CPEB1: variants seen among roughly 807,000 people sequenced by gnomAD.
CPEB1 encodes cytoplasmic polyadenylation element binding protein 1.
A neutral mutation model predicts 65.8 loss-of-function variants in CPEB1; 7 were observed. The observed-to-expected ratio is 0.11, with a 90% CI of 0.06 to 0.20. The LOEUF (loss-of-function observed/expected upper bound fraction) is 0.20. Among genes scored for constraint, CPEB1 ranks in the 10% least tolerant of loss-of-function variants. The pLI, the probability that CPEB1 is intolerant of heterozygous loss-of-function variation, is 1.00. For missense variants in CPEB1, 551 were observed against 712.2 expected (o/e 0.77, Z 2.58); for synonymous variants, 262 against 260.0 (o/e 1.01, Z -0.08).
At chr15:82,622,910 C>T (rs898803358) in intron 3 of CPEB1, among the ~76,000 whole-genome samples, 8 of 152,204 alleles carry the variant, frequency 5.3e-5, no homozygotes, top group African/African-American at 1.9e-4. Flanking sequence ...TGCTACCCCC[C>T]TCCTTATGTG....
At chr15:82,585,022 G>A (rs955742292) in intron 3 of CPEB1, among the ~76,000 whole-genome samples, 1 of 146,870 alleles carries the variant, frequency 6.8e-6, no homozygotes, top group Admixed American at 7.0e-5. Flanking sequence ...GCAGATAAAA[G>A]CCCATATTAG....
rs587665341 is a variant in CPEB1 at position 82,645,812 on chromosome 15, G to C, written c.-98+1325C>G. Among the ~76,000 whole-genome samples the C allele has an allele frequency of 2.6e-5, 4 of 152,180 alleles. No individual in the cohort carries two copies. In the East Asian group the frequency reaches 7.8e-4, roughly 30 times the overall value. ...GAACCCGGGAGGCGGAGGCTGCAGT[G>C]AGCCAAGATCGCGAGACTGCATTCC... is the stretch of plus-strand genomic sequence containing the variant. On this transcript the variant is annotated intron_variant, in intron 1 of 12. Coordinates refer to ENST00000684509, the MANE Select transcript of CPEB1 (RefSeq NM_001365242.1).
chr15:82,578,773 A>G (rs958388315), intron 3 of CPEB1, among the ~76,000 whole-genome samples: 3 of 151,930 alleles, frequency 2.0e-5, no homozygotes, highest in Admixed American at 6.6e-5. Context: ...ACAAACAAAC[A>G]AAAAAAACCC....
intron 3 of CPEB1, among the ~76,000 whole-genome samples, chr15:82,573,579 A>G (rs1431561719): frequency 2.6e-5 from 4 of 152,106 alleles, no homozygotes; most frequent in African/African-American, 9.7e-5. Context: ...GAGGGCATCT[A>G]TGTCTAGAAG....
At chr15:82,613,594 C>T (rs553017690) in intron 3 of CPEB1, among the ~76,000 whole-genome samples, 1 of 152,224 alleles carries the variant, frequency 6.6e-6, no homozygotes, top group Admixed American at 6.5e-5. Flanking sequence ...ATTGCCCAGG[C>T]TGGTCTCTAA....
At chr15:82,592,392 A>C (rs1390076405) in intron 3 of CPEB1, among the ~76,000 whole-genome samples, 5 of 151,738 alleles carry the variant, frequency 3.3e-5, no homozygotes, top group Admixed American at 3.3e-4. Flanking sequence ...GTTTGAGACC[A>C]GCCTAGGCTA....
At chr15:82,624,186 T>G (rs558809990) in intron 3 of CPEB1, among the ~76,000 whole-genome samples, 1 of 152,306 alleles carries the variant, frequency 6.6e-6, no homozygotes, top group African/African-American at 2.4e-5. Context: ...TGTTTCACCA[T>G]TCGAGAATAC....
chr15:82,569,710 A>G (rs967936457), intron 4 of CPEB1, among the ~76,000 whole-genome samples: 8 of 152,224 alleles, frequency 5.3e-5, no homozygotes, highest in Non-Finnish European at 1.0e-4. Context: ...GTTATAATGT[A>G]TTTCAGAAAG....
At position 82,627,186 on chromosome 15, in the gene CPEB1, A is replaced by C; in HGVS notation, c.271+7T>G. ...CTACCACGTTCAAGTTTTCAAACCT[A>C]AATCACCTGGCAAATGATCATGAAT... On this transcript the variant is annotated splice_region_variant and intron_variant, in intron 3 of 12. Coordinates refer to ENST00000684509, the MANE Select transcript of CPEB1 (RefSeq NM_001365242.1). 3 of 1,608,738 alleles carry C rather than the reference A, an allele frequency of 1.9e-6. No homozygotes were observed. The highest frequency in any genetic ancestry group is 2.5e-6 in the Non-Finnish European group (3 of 1,177,254).
intron 5 of CPEB1, chr15:82,556,406 T>C (rs1405979873): frequency 3.4e-6 from 1 of 296,120 alleles, no homozygotes; most frequent in African/African-American, 2.3e-5. Context: ...CACTGACCCA[T>C]ACTCTTCCTG....
At chr15:82,641,032 C>T (rs973386638) in intron 1 of CPEB1, among the ~76,000 whole-genome samples, 9 of 151,794 alleles carry the variant, frequency 5.9e-5, no homozygotes, top group African/African-American at 1.7e-4. Context: ...AATGAGAAAA[C>T]GTGGGTTCAA....
At chr15:82,568,990 G>A (rs568362800) in intron 4 of CPEB1, among the ~76,000 whole-genome samples, 2 of 152,218 alleles carry the variant, frequency 1.3e-5, no homozygotes, top group Non-Finnish European at 2.9e-5. Flanking sequence ...GAATAAGCTT[G>A]CATCTTGGTC....
At chr15:82,637,986 T>C (rs770932032) in intron 1 of CPEB1, 1 of 454,360 alleles carries the variant, frequency 2.2e-6, no homozygotes, top group South Asian at 1.6e-5. Flanking sequence ...ATTTATGGAG[T>C]GGCATTGACA....
chr15:82,620,010 G>C (rs1013057368), intron 3 of CPEB1, among the ~76,000 whole-genome samples: 1 of 152,186 alleles, frequency 6.6e-6, no homozygotes, highest in African/African-American at 2.4e-5. Flanking sequence ...CCTATTAACA[G>C]TATAATGAAT....
chr15:82,601,175 T>G (rs555355992), intron 3 of CPEB1, among the ~76,000 whole-genome samples: 85 of 150,654 alleles, frequency 5.6e-4, no homozygotes, highest in African/African-American at 1.8e-3. Flanking sequence ...CCCAAAGTGC[T>G]GGGTTTACAG....
chr15:82,590,147 A>G (rs1208227034), intron 3 of CPEB1, among the ~76,000 whole-genome samples: 1 of 136,778 alleles, frequency 7.3e-6, no homozygotes, highest in Non-Finnish European at 1.5e-5. Context: ...AGAAGAGTTT[A>G]TTAGTGTTGA....
Position 82,646,814 on chromosome 15 carries a change from G to A in CPEB1, c.-98+323C>T, listed in dbSNP as rs114600259. Among the ~76,000 whole-genome samples the A allele has an allele frequency of 7.5e-3, 1,139 of 152,262 alleles. 12 individuals carry two copies. Among genetic ancestry groups the A allele is most frequent in the Non-Finnish European group, 8.5e-3 (576 of 68,000 alleles). On this transcript the variant is annotated intron_variant, in intron 1 of 12. Transcript: ENST00000684509. The stretch of plus-strand genomic sequence containing the variant: ...AATGACGCCGGGTGGGACACCCCAA[G>A]GTGAGGACCCCTTTGTGGGTGAGTC...
rs567741087 is a variant in CPEB1 at position 82,604,709 on chromosome 15, T to C, written c.271+22484A>G. Among the ~76,000 whole-genome samples, 316 of 152,182 alleles carry C rather than the reference T, an allele frequency of 2.1e-3. 1 individual carries two copies. Among genetic ancestry groups the C allele is most frequent in the African/African-American group, 7.4e-3 (308 of 41,506 alleles). ...GAAAAACAATCAGCAAGGCTGAAGA[T>C]ACAGACATGGAGATTATCCAGTCTG... On this transcript the variant is annotated intron_variant, in intron 3 of 12. Coordinates refer to ENST00000684509, the MANE Select transcript of CPEB1 (RefSeq NM_001365242.1).
At chr15:82,647,379 A>T (rs2047662433), upstream of CPEB1, 1 of 154,850 alleles carries the variant, frequency 6.5e-6, no homozygotes, top group Non-Finnish European at 1.4e-5. Context: ...CTACGCCGTC[A>T]GCAGCCCCGC....
Sources: allele counts gnomAD v4.1 joint callset (sites outside exome capture counted in the v4.1 genomes callset), GRCh38; gene constraint gnomAD v4.1.1; transcripts MANE v1.5; gene names NCBI Gene and HGNC (gene_info 2026-07-23, HGNC 2026-07-21).